Variants in TOPBP1 observed in about 807,000 individuals in gnomAD.
TOPBP1 encodes DNA topoisomerase II binding protein 1.
TOPBP1 carries 28 observed loss-of-function variants against 167.7 expected under a neutral mutation model. That is an observed-to-expected ratio of 0.17 (90% confidence interval 0.12 to 0.23). TOPBP1 has a LOEUF of 0.23. Ranked by LOEUF, TOPBP1 falls within the 10% of genes least tolerant of loss-of-function variation. The pLI is 1.00. For synonymous variants in TOPBP1, 598 were observed against 611.4 expected, an observed-to-expected ratio of 0.98 and a Z score of 0.32; for missense variants, 1,554 against 1,809.6, an observed-to-expected ratio of 0.86 and a Z score of 2.56.
chr3:133,624,034 G>GA lies in TOPBP1; in HGVS notation c.2928+17dup, dbSNP rs545439683. 1.9e-4 allele frequency: 297 copies of GA among 1,603,942 alleles called. No individual in the cohort carries two copies. The highest frequency in any genetic ancestry group is 2.3e-4 in the Non-Finnish European group (274 of 1,176,018). On this transcript the variant is annotated intron_variant, in intron 17 of 27. Coordinates refer to ENST00000260810, the MANE Select transcript of TOPBP1 (RefSeq NM_007027.4). The stretch of plus-strand genomic sequence containing the variant: ...ATTTTCAATTAACAGAGATGGGGGG[G>GA]AAAAAAGCACTGCTTACATCTAAAA...
chr3:133,658,913 T>TG, intron 3 of TOPBP1, 103 bp downstream of exon 3: 1 of 1,258,582 alleles, frequency 7.9e-7, no homozygotes, highest in Non-Finnish European at 1.1e-6. Flanking sequence ...AATGTACTCA[T>TG]AAGTTGCATA....
intron 10 of TOPBP1, among the ~76,000 whole-genome samples, chr3:133,648,940 C>CT (rs145447601): frequency 0.14 from 21,338 of 151,726 alleles, 1,840 homozygotes; most frequent in Non-Finnish European, 0.2. Flanking sequence ...TTTATAAAGG[C>CT]TTTTTTTTAA....
chr3:133,643,095 T>C (rs760253901), intron 12 of TOPBP1, 105 bp downstream of exon 12: 11 of 1,120,008 alleles, frequency 9.8e-6, no homozygotes, highest in Non-Finnish European at 1.3e-5. Flanking sequence ...CACTCATAAA[T>C]ATAATAAAGA....
At chr3:133,633,033 A>G (rs962950909) in intron 14 of TOPBP1, among the ~76,000 whole-genome samples, 13 of 152,178 alleles carry the variant, frequency 8.5e-5, no homozygotes, top group African/African-American at 2.7e-4. Flanking sequence ...TTGGGCTCCC[A>G]AAGTGCTGGG....
Position 133,638,035 on chromosome 3 carries a change from C to T in TOPBP1, c.2361G>A (p.Gln787=). The change falls in exon 14 of 28, where the codon CAG becomes CAA. Residue 787 remains glutamine (Q), a synonymous_variant. Transcript: ENST00000260810. ...AGACCACAGCACGGAAAGCTTTACT[C>T]TGAAAGCGGTTCATATCTAAAGGTG... The part of the protein sequence containing the change: ...VVTPLDMNRF[Q]SKAFRAVVSQ... 6.2e-7 allele frequency: 1 copy of T among 1,614,004 alleles called. No homozygotes were observed. Among genetic ancestry groups the T allele is most frequent in the Non-Finnish European group, 8.5e-7 (1 of 1,179,876 alleles).
intron 25 of TOPBP1, among the ~76,000 whole-genome samples, 186 bp downstream of exon 25, chr3:133,610,818 T>C (rs367708509): frequency 2.4e-4 from 36 of 152,246 alleles, no homozygotes; most frequent in Middle Eastern, 3.4e-3. Context: ...AAAGATTCTT[T>C]GGAAGAAATG....
rs370120696 is a variant in TOPBP1 at position 133,620,222 on chromosome 3, C to T, written c.3304G>A (p.Ala1102Thr). 1.5e-4 allele frequency: 250 copies of T among 1,613,728 alleles called. No homozygotes were observed. Among genetic ancestry groups the T allele is most frequent in the East Asian group, 1.1e-3 (48 of 44,864 alleles). ...CGAGTGCTGTCAGGGGTTGAAGATG[C>T]GCTGTTACAACCACTTCTTGAAAGG... is the stretch of plus-strand genomic sequence containing the variant. ...TSLSRSGCNS[A>T]SSTPDSTRSA... Residue 1102 changes from alanine to threonine, a missense_variant, in exon 20 of 28, where the codon GCA becomes ACA. This residue lies in a region of TOPBP1 where 1,197 missense variants were observed against 1,351.5 expected (regional missense o/e 0.89). Transcript: ENST00000260810.
At chr3:133,601,957 A>G (rs1023176017) in intron 27 of TOPBP1, among the ~76,000 whole-genome samples, 27 of 152,212 alleles carry the variant, frequency 1.8e-4, no homozygotes, top group African/African-American at 6.5e-4. Flanking sequence ...TTCTGACCAA[A>G]ATATATTAAA....
intron 27 of TOPBP1, among the ~76,000 whole-genome samples, chr3:133,606,190 A>G (rs1252719277): frequency 6.6e-6 from 1 of 152,230 alleles, no homozygotes; most frequent in African/African-American, 2.4e-5. Context: ...CTTGCCTCAA[A>G]ATAAATAAAT....
chr3:133,638,203 A>G (rs1935746249), intron 13 of TOPBP1, 41 bp from the exon 14 acceptor site: 3 of 1,575,176 alleles, frequency 1.9e-6, no homozygotes, highest in Admixed American at 3.4e-5. Flanking sequence ...TGAGCCACTA[A>G]TGCCCACTTT....
chr3:133,652,328 G>T, intron 8 of TOPBP1, 135 bp downstream of exon 8: 1 of 820,864 alleles, frequency 1.2e-6, no homozygotes, highest in Non-Finnish European at 1.9e-6. Context: ...GGTCTAGTAA[G>T]TGCATCTACT....
chr3:133,661,044 C>A lies in TOPBP1; in HGVS notation c.84G>T (p.Glu28Asp). The A allele has an allele frequency of 6.3e-7, 1 of 1,577,056 alleles. No individual in the cohort carries two copies. Among genetic ancestry groups the A allele is most frequent in the African/African-American group, 1.4e-5 (1 of 72,888 alleles). ...DNSKCFFKAL[E>D]SIKEFQSEEY... Reference sequence around the variant, plus strand: ...GTATTAAGATGTTTTCAACTCTTACCTCGAGAGCTTTAAAAAAACATTTGG... The same window carrying A: ...GTATTAAGATGTTTTCAACTCTTACATCGAGAGCTTTAAAAAAACATTTGG... Residue 28 changes from glutamate to aspartate, a missense_variant and splice_region_variant, in exon 2 of 28, where the codon GAG becomes GAT. By Grantham distance (45) the Glu-to-Asp change is conservative (BLOSUM62 2). Transcript: ENST00000260810.
Position 133,639,836 on chromosome 3 carries a change from C to T in TOPBP1, c.2233+123G>A, listed in dbSNP as rs992693643. The T allele has an allele frequency of 2.1e-5, 19 of 885,732 alleles. No homozygotes were observed. In the Admixed American group the frequency reaches 4.8e-4, roughly 23 times the overall value. The allele number at this position is 885,732 out of a possible 1,614,324, so 54.9% of individuals were successfully genotyped here. On this transcript the variant is annotated intron_variant, in intron 13 of 27. Coordinates refer to ENST00000260810, the MANE Select transcript of TOPBP1 (RefSeq NM_007027.4). The stretch of plus-strand genomic sequence containing the variant: ...TGTAGACTTCGAACACTGAGACCCT[C>T]ACTGCACCCAATGTGAAAAGCAAAA...
rs1934574493 is a variant in TOPBP1 at position 133,608,651 on chromosome 3, G to A, written c.4309C>T (p.Leu1437Phe). 1 of 1,613,648 alleles carries A rather than the reference G, an allele frequency of 6.2e-7. No individual in the cohort carries two copies. The highest frequency in any genetic ancestry group is 2.2e-5 in the East Asian group (1 of 44,866). ...TTCAGTTTATTCAAGTCAGAAAAAA[G>A]ATGTGTGGCCTCTTTAAATAAAGGT... ...SVPLFKEATH[L>F]FSDLNKLKPD... The change falls in exon 27 of 28, where the codon CTT becomes TTT. Residue 1437 changes from leucine to phenylalanine, a missense_variant. By Grantham distance (22) the Leu-to-Phe change is conservative. Coordinates refer to ENST00000260810, the MANE Select transcript of TOPBP1 (RefSeq NM_007027.4).
At chr3:133,655,690 C>T (rs910076884) in intron 5 of TOPBP1, among the ~76,000 whole-genome samples, 1 of 152,128 alleles carries the variant, frequency 6.6e-6, no homozygotes, top group Admixed American at 6.5e-5. Flanking sequence ...GTTTCAGATA[C>T]AGTCTCTCAA....
intron 3 of TOPBP1, among the ~76,000 whole-genome samples, chr3:133,658,471 G>T (rs115790053): frequency 1.8e-4 from 25 of 141,856 alleles, no homozygotes; most frequent in African/African-American, 6.6e-4. Flanking sequence ...TATAACAAAA[G>T]AAAAAAAAAA....
intron 24 of TOPBP1, among the ~76,000 whole-genome samples, chr3:133,612,099 T>C (rs1207863943): frequency 1.3e-5 from 2 of 151,372 alleles, no homozygotes; most frequent in Admixed American, 1.3e-4. Context: ...TGGAGTACAA[T>C]GGCATGATCT....
At position 133,637,899 on chromosome 3, in the gene TOPBP1, A is replaced by C. The variant is rs781072156; in HGVS notation, c.2497T>G (p.Phe833Val). Reference protein sequence around the residue: ...PSKFLSKDKLFKPSFDVKDAL... With the variant: ...PSKFLSKDKLVKPSFDVKDAL... ...ACCTTCACATCAAAGGAAGGCTTGA[A>C]GAGTTTGTCCTTGGACAGGAATTTT... The change falls in exon 14 of 28, where the codon TTC becomes GTC. Residue 833 changes from phenylalanine to valine, a missense_variant. Coordinates refer to ENST00000260810, the MANE Select transcript of TOPBP1 (RefSeq NM_007027.4). 5.6e-6 allele frequency: 9 copies of C among 1,613,798 alleles called. No individual in the cohort carries two copies. The highest frequency in any genetic ancestry group is 1.1e-5 in the South Asian group (1 of 91,086).
intron 14 of TOPBP1, among the ~76,000 whole-genome samples, chr3:133,632,511 A>G (rs1308463793): frequency 6.6e-6 from 1 of 152,212 alleles, no homozygotes; most frequent in East Asian, 1.9e-4. Context: ...CAATGTTTAA[A>G]TCTATTTTGC....
Sources: allele counts gnomAD v4.1 joint callset (sites outside exome capture counted in the v4.1 genomes callset), GRCh38; gene constraint gnomAD v4.1.1; regional missense constraint gnomAD v4.1.1; transcripts MANE v1.5; gene names NCBI Gene and HGNC (gene_info 2026-07-23, HGNC 2026-07-21).